Variants in HEMK2 observed in about 807,000 individuals in gnomAD.
HEMK2 encodes methyltransferase HEMK2.
chr21:28,710,118 G>A, the HEMK2 span, among the ~76,000 whole-genome samples: 1 of 152,122 alleles, frequency 6.6e-6, no homozygotes, highest in Admixed American at 6.6e-5. Context: ...GAAGAAAGTG[G>A]TTAAATAAGC....
the HEMK2 span, among the ~76,000 whole-genome samples, chr21:28,709,924 G>A: frequency 2.0e-5 from 3 of 152,314 alleles, no homozygotes; most frequent in African/African-American, 7.2e-5. Flanking sequence ...AGGTTACTTT[G>A]AAGCTAATTT....
the HEMK2 span, among the ~76,000 whole-genome samples, chr21:28,828,319 T>A: frequency 6.6e-6 from 1 of 152,132 alleles, no homozygotes; most frequent in African/African-American, 2.4e-5. Context: ...GGGCTTATCA[T>A]GAGAGATTTC....
chr21:28,826,965 ACT>A, the HEMK2 span, among the ~76,000 whole-genome samples: 2 of 151,992 alleles, frequency 1.3e-5, no homozygotes, highest in Non-Finnish European at 2.9e-5. Context: ...CGACGAGGAG[ACT>A]CTCCCAGAGC....
At chr21:28,615,816 T>G in the HEMK2 span, among the ~76,000 whole-genome samples, 1 of 152,164 alleles carries the variant, frequency 6.6e-6, no homozygotes, top group Non-Finnish European at 1.5e-5. Flanking sequence ...TGGAAAGGCT[T>G]AACGATTGCT....
At chr21:28,615,950 G>T in the HEMK2 span, among the ~76,000 whole-genome samples, 1 of 151,948 alleles carries the variant, frequency 6.6e-6, no homozygotes, top group Non-Finnish European at 1.5e-5. Context: ...AAGTTATGCT[G>T]ATTTTTATAA....
the HEMK2 span, among the ~76,000 whole-genome samples, chr21:28,751,749 G>C: frequency 6.6e-6 from 1 of 152,168 alleles, no homozygotes; most frequent in Non-Finnish European, 1.5e-5. Flanking sequence ...GCATGATCTC[G>C]GCTCACCGCA....
At chr21:28,836,027 G>GA in the HEMK2 span, among the ~76,000 whole-genome samples, 1 of 152,116 alleles carries the variant, frequency 6.6e-6, no homozygotes, top group Middle Eastern at 3.2e-3. Context: ...GTGTTCTTGA[G>GA]AAAAAAGACA....
the HEMK2 span, among the ~76,000 whole-genome samples, chr21:28,608,347 A>G: frequency 6.6e-6 from 1 of 151,912 alleles, no homozygotes; most frequent in Admixed American, 6.6e-5. Context: ...CAAGTAAACT[A>G]AAAACTCCTA....
chr21:28,662,148 T>G, the HEMK2 span, among the ~76,000 whole-genome samples: 2 of 151,092 alleles, frequency 1.3e-5, no homozygotes, highest in African/African-American at 4.9e-5. Context: ...AAGAGGCCCA[T>G]GAAGCAGGAG....
At chr21:28,644,204 A>G in the HEMK2 span, among the ~76,000 whole-genome samples, 1 of 152,230 alleles carries the variant, frequency 6.6e-6, no homozygotes, top group African/African-American at 2.4e-5. Flanking sequence ...AAGGGGAAGC[A>G]AGGCACCTTC....
At chr21:28,850,369 C>T in the HEMK2 span, among the ~76,000 whole-genome samples, 2 of 152,008 alleles carry the variant, frequency 1.3e-5, no homozygotes, top group South Asian at 2.1e-4. Context: ...GGACTACAGG[C>T]GCCCGCCACC....
the HEMK2 span, among the ~76,000 whole-genome samples, chr21:28,771,523 C>CCCA: frequency 1.9e-5 from 2 of 106,246 alleles, no homozygotes; most frequent in Admixed American, 9.1e-5. Context: ...GCACCACCCC[C>CCCA]CCCCGCCAAA....
the HEMK2 span, among the ~76,000 whole-genome samples, chr21:28,602,618 A>T: frequency 7.9e-4 from 121 of 152,318 alleles, no homozygotes; most frequent in African/African-American, 2.8e-3. Context: ...TATAGCCTTC[A>T]GGAAACAAGG....
chr21:28,595,473 G>A, the HEMK2 span, among the ~76,000 whole-genome samples: 2 of 152,074 alleles, frequency 1.3e-5, no homozygotes, highest in Non-Finnish European at 2.9e-5. Flanking sequence ...TTAACATAAT[G>A]ACCTCCAGTT....
chr21:28,755,105 G>C, the HEMK2 span, among the ~76,000 whole-genome samples: 1 of 145,404 alleles, frequency 6.9e-6, no homozygotes, highest in African/African-American at 2.7e-5. Context: ...GAAGTCCAGG[G>C]CAGTAGAAGA....
At chr21:28,613,105 T>A in the HEMK2 span, among the ~76,000 whole-genome samples, 1 of 150,128 alleles carries the variant, frequency 6.7e-6, no homozygotes, top group African/African-American at 2.5e-5. Flanking sequence ...GAAAGATAGA[T>A]AGATAGATAG....
the HEMK2 span, among the ~76,000 whole-genome samples, chr21:28,860,167 G>A: frequency 1.3e-5 from 2 of 152,094 alleles, no homozygotes; most frequent in African/African-American, 4.8e-5. Context: ...TTGAGTCACT[G>A]GGCTGGGAAA....
the HEMK2 span, among the ~76,000 whole-genome samples, chr21:28,794,523 G>A: frequency 2.6e-5 from 4 of 152,146 alleles, no homozygotes; most frequent in Non-Finnish European, 5.9e-5. Context: ...ATTAAATGGA[G>A]GCATTCATAA....
chr21:28,855,391 G>A, the HEMK2 span, among the ~76,000 whole-genome samples: 1 of 152,158 alleles, frequency 6.6e-6, no homozygotes, highest in Non-Finnish European at 1.5e-5. Flanking sequence ...AAGAGACTTA[G>A]ACTCCCACAC....
Sources: gnomAD v4.1 joint callset for allele counts (sites outside exome capture counted in the v4.1 genomes callset) on GRCh38, gnomAD v4.1.1 for gene constraint, MANE v1.5 for transcripts, NCBI Gene and HGNC (gene_info 2026-07-23, HGNC 2026-07-21) for gene names.